Variants in FBXW8 observed in about 807,000 individuals in gnomAD.
FBXW8 encodes F-box and WD repeat domain containing 8.
A neutral mutation model predicts 65.3 loss-of-function variants in FBXW8; 57 were observed. The ratio of observed to expected loss-of-function variants is 0.87; its 90% CI spans 0.71 to 1.09. The LOEUF (loss-of-function observed/expected upper bound fraction) is 1.09, where lower values mean the gene tolerates loss of function less well. Ranked by LOEUF, FBXW8 falls within the 50% of genes least tolerant of loss-of-function variation. The probability of loss-of-function intolerance (pLI) is 0.00; values close to 1 mark genes in which losing one functional copy is unlikely to be tolerated. For synonymous variants in FBXW8, 308 were observed against 330.2 expected, an observed-to-expected ratio of 0.93 and a Z score of 0.73; for missense variants, 777 against 814.8, an observed-to-expected ratio of 0.95 and a Z score of 0.57.
chr12:116,938,025 C>A lies in FBXW8; in HGVS notation c.424-7339C>A, dbSNP rs183444564. Among the ~76,000 whole-genome samples, 14 of 152,088 alleles carry A rather than the reference C, an allele frequency of 9.2e-5. No individual in the cohort carries two copies. The East Asian group carries it at 2.5e-3, about 27-fold the overall frequency. On this transcript the variant is annotated intron_variant, in intron 2 of 10. Transcript: ENST00000652555. The stretch of plus-strand genomic sequence containing the variant: ...CCATTAGGCCTTTGGAAAATTCAGG[C>A]TTGTAAACTTGCTAGATTTCATAAA...
chr12:116,948,865 C>T (rs1308976265), intron 3 of FBXW8: 2 of 152,254 alleles, frequency 1.3e-5, no homozygotes, highest in Non-Finnish European at 2.9e-5. Context: ...AGTGATCCTC[C>T]TGCCTCATCC....
intron 1 of FBXW8, among the ~76,000 whole-genome samples, chr12:116,925,005 G>C (rs1285679214): frequency 6.6e-6 from 1 of 152,030 alleles, no homozygotes; most frequent in Non-Finnish European, 1.5e-5. Flanking sequence ...AATGTCTCTG[G>C]AGGTGTGCTT....
Position 116,911,319 on chromosome 12 carries a change from C to T in FBXW8, c.282C>T (p.Gly94=). 7.8e-7 allele frequency: 1 copy of T among 1,285,042 alleles called. No individual in the cohort carries two copies. Among genetic ancestry groups the T allele is most frequent in the African/African-American group, 1.5e-5 (1 of 64,918 alleles). The allele number at this position is 1,285,042 out of a possible 1,614,324, so 79.6% of individuals were successfully genotyped here. A position where few individuals can be genotyped will look rare whatever the true frequency, so the allele number is the denominator to read the frequency against. Reference sequence around the variant, plus strand: ...CTCTGGCCCGCGAGGGCGCCGGGGGCGGGGAGCAGCTGGTGGACCAGCTCA... The same window carrying T: ...CTCTGGCCCGCGAGGGCGCCGGGGGTGGGGAGCAGCTGGTGGACCAGCTCA... ...RSPLAREGAG[G]GEQLVDQLIR... The change falls in exon 1 of 11, where the codon GGC becomes GGT. Residue 94 remains glycine, a synonymous_variant. Coordinates refer to ENST00000652555, the MANE Select transcript of FBXW8 (RefSeq NM_153348.3).
intron 6 of FBXW8, chr12:116,985,788 G>A (rs1885637914): frequency 6.1e-6 from 1 of 163,438 alleles, no homozygotes; most frequent in African/African-American, 2.4e-5. Flanking sequence ...TGAGTTCAGT[G>A]GTGTTATCCC....
At chr12:116,975,450 C>T (rs1251983859) in intron 5 of FBXW8, among the ~76,000 whole-genome samples, 3 of 152,182 alleles carry the variant, frequency 2.0e-5, no homozygotes, top group African/African-American at 7.2e-5. Context: ...GACCTGATCA[C>T]ATCCCAAAGG....
intron 7 of FBXW8, among the ~76,000 whole-genome samples, chr12:116,999,303 A>C (rs888020849): frequency 1.3e-5 from 2 of 152,200 alleles, no homozygotes; most frequent in Non-Finnish European, 2.9e-5. Flanking sequence ...TTCCAGCCTT[A>C]GCTTGCCTCT....
chr12:116,962,648 T>C (rs1489642729), intron 4 of FBXW8, among the ~76,000 whole-genome samples: 2 of 152,252 alleles, frequency 1.3e-5, no homozygotes, highest in Admixed American at 1.3e-4. Flanking sequence ...ATTCCCTTTA[T>C]CTTTCTTTCA....
intron 8 of FBXW8, among the ~76,000 whole-genome samples, chr12:117,020,661 G>C (rs1008465022): frequency 6.6e-6 from 1 of 152,162 alleles, no homozygotes; most frequent in African/African-American, 2.4e-5. Flanking sequence ...TGTATTGAAA[G>C]CAGGAGTCTC....
intron 4 of FBXW8, among the ~76,000 whole-genome samples, chr12:116,956,793 C>A (rs556524177): frequency 6.6e-6 from 1 of 151,856 alleles, no homozygotes; most frequent in Non-Finnish European, 1.5e-5. Flanking sequence ...CATGGTGAAA[C>A]CCTGTCTCTA....
intron 2 of FBXW8, among the ~76,000 whole-genome samples, chr12:116,929,976 C>T (rs1011891438): frequency 6.6e-6 from 1 of 152,144 alleles, no homozygotes. Context: ...ACATAATGCC[C>T]TCTAGGTTCA....
chr12:117,012,704 G>C (rs1029552629), intron 8 of FBXW8, among the ~76,000 whole-genome samples: 1 of 152,086 alleles, frequency 6.6e-6, no homozygotes, highest in African/African-American at 2.4e-5. Context: ...ATATTATGAG[G>C]AGAACTATGT....
At chr12:116,985,738 G>A in intron 6 of FBXW8, 1 of 206,396 alleles carries the variant, frequency 4.8e-6, no homozygotes, top group African/African-American at 2.3e-5. Flanking sequence ...TCTCACCCTT[G>A]GGAATCAAAG....
At chr12:117,001,760 T>C (rs144392659) in intron 7 of FBXW8, among the ~76,000 whole-genome samples, 3 of 152,326 alleles carry the variant, frequency 2.0e-5, no homozygotes, top group African/African-American at 7.2e-5. Context: ...CAGTCATACA[T>C]TTGCACGATG....
intron 7 of FBXW8, chr12:117,003,153 T>C (rs117924143): frequency 0.055 from 8,360 of 152,376 alleles, 296 homozygotes; most frequent in Non-Finnish European, 0.08. Context: ...GGACAGCAAA[T>C]CGACTTTGTG....
intron 5 of FBXW8, among the ~76,000 whole-genome samples, chr12:116,977,195 CT>C (rs1319805611): frequency 2.0e-5 from 3 of 152,168 alleles, no homozygotes; most frequent in African/African-American, 7.2e-5. Flanking sequence ...TTTATGTAGA[CT>C]TTTCCCCCTG....
rs563349935 is a variant in FBXW8, at chr12:116,924,675, A to T, written c.319-3348A>T. ...GAAGTACCCAATCAGAGTGCCTAAGACATTCTGCTGCCCGACAGTAGTAGG... is the reference window on the plus strand; with the variant it reads ...GAAGTACCCAATCAGAGTGCCTAAGTCATTCTGCTGCCCGACAGTAGTAGG... On this transcript the variant is annotated intron_variant, in intron 1 of 10. Coordinates refer to ENST00000652555, the MANE Select transcript of FBXW8 (RefSeq NM_153348.3). Among the ~76,000 whole-genome samples the T allele has an allele frequency of 2.6e-5, 4 of 152,280 alleles. No homozygotes were observed. In the East Asian group the frequency reaches 5.8e-4, roughly 22 times the overall value.
chr12:116,980,785 A>T (rs957496842), intron 5 of FBXW8, among the ~76,000 whole-genome samples: 2 of 152,240 alleles, frequency 1.3e-5, no homozygotes, highest in Non-Finnish European at 2.9e-5. Context: ...GTGTGACAGC[A>T]TGACCAAAAG....
intron 9 of FBXW8, among the ~76,000 whole-genome samples, chr12:117,026,180 C>T (rs1954222200): frequency 6.6e-6 from 1 of 152,250 alleles, no homozygotes; most frequent in Non-Finnish European, 1.5e-5. Flanking sequence ...GACAGGGTGC[C>T]GTCAGTCCTC....
chr12:116,914,377 G>T (rs1360227335), intron 1 of FBXW8, among the ~76,000 whole-genome samples: 1 of 151,408 alleles, frequency 6.6e-6, no homozygotes, highest in African/African-American at 2.4e-5. Context: ...GAGCTCAGGA[G>T]CTCAAAACCA....
Sources: gnomAD v4.1 joint callset for allele counts (sites outside exome capture counted in the v4.1 genomes callset) on GRCh38, gnomAD v4.1.1 for gene constraint, MANE v1.5 for transcripts, NCBI Gene and HGNC (gene_info 2026-07-23, HGNC 2026-07-21) for gene names.